Variants in CCDC9B observed in about 807,000 individuals in gnomAD.
CCDC9B encodes the protein coiled-coil domain containing 9B, also known as coiled-coil domain-containing protein 9B.
A neutral mutation model predicts 47.2 loss-of-function variants in CCDC9B; 40 were observed. That is an observed-to-expected ratio of 0.85 (90% CI 0.66 to 1.10). The LOEUF is 1.10. Ranked by LOEUF, CCDC9B falls within the 50% of genes least tolerant of loss-of-function variation. The probability of loss-of-function intolerance (pLI) is 0.00; values close to 1 mark genes in which losing one functional copy is unlikely to be tolerated. For missense variants in CCDC9B, 662 were observed against 651.0 expected (o/e 1.02, Z -0.18); for synonymous variants, 238 against 250.7 (o/e 0.95, Z 0.48).
In CCDC9B at chr15:40,339,971, G is replaced by C. The variant is rs777883742; in HGVS notation, c.57C>G (p.Asp19Glu). ...CAACTATCCTCCGATCCAGCTCTGCGTCCTTCTCCTGCCTGCTCATGGGGG... is the reference window on the plus strand; with the variant it reads ...CAACTATCCTCCGATCCAGCTCTGCCTCCTTCTCCTGCCTGCTCATGGGGG... ...AESPMSRQEKDAELDRRIVAL... is the reference protein window; with the variant it reads ...AESPMSRQEKEAELDRRIVAL... The change falls in exon 2 of 11, where the codon GAC becomes GAG. Residue 19 changes from aspartate (D) to glutamate (E), a missense_variant. Coordinates refer to ENST00000397536, the MANE Select transcript of CCDC9B (RefSeq NM_207380.3). The C allele has an allele frequency of 6.2e-7, 1 of 1,613,834 alleles. No individual in the cohort carries two copies. Among genetic ancestry groups the C allele is most frequent in the South Asian group, 1.1e-5 (1 of 91,086 alleles).
chr15:40,336,509 G>A (rs557258914), intron 9 of CCDC9B, 65 bp downstream of exon 9: 1 of 1,584,804 alleles, frequency 6.3e-7, no homozygotes, highest in South Asian at 1.1e-5. Context: ...ACCTGGGCCT[G>A]TACTGGTCCA....
intron 1 of CCDC9B, 41 bp from the exon 2 acceptor site, chr15:40,340,056 C>A: frequency 7.7e-7 from 1 of 1,292,624 alleles, no homozygotes; most frequent in South Asian, 1.2e-5. Context: ...TTCCGGGTCC[C>A]CCTCTCACCA....
At position 40,338,739 on chromosome 15, in the gene CCDC9B, C is replaced by G. The variant is rs767133058; in HGVS notation, c.387+9G>C. ...TGCCGATGCCTGCACTCCCCACCAC[C>G]CTGCTCACCTCTGCTTTGTTCTCCA... On this transcript the variant is annotated intron_variant, in intron 4 of 10. Transcript: ENST00000397536. 12 of 1,611,598 alleles carry G rather than the reference C, an allele frequency of 7.4e-6. No individual in the cohort carries two copies. In the East Asian group the frequency reaches 1.8e-4, roughly 24 times the overall value.
Position 40,338,640 on chromosome 15 carries a change from T to C in CCDC9B, c.408A>G (p.Glu136=). 1 of 1,614,124 alleles carries C rather than the reference T, an allele frequency of 6.2e-7. No homozygotes were observed. The highest frequency in any genetic ancestry group is 8.5e-7 in the Non-Finnish European group (1 of 1,180,000). The change falls in exon 5 of 11, where the codon GAA becomes GAG. Residue 136 remains glutamate (E), a synonymous_variant. Transcript: ENST00000397536. ...CTTGGTTCCTTGCTCTGGTAGGCTTTTCACTTACAATCCGTTTGCCCTGGG... is the reference window on the plus strand; with the variant it reads ...CTTGGTTCCTTGCTCTGGTAGGCTTCTCACTTACAATCCGTTTGCCCTGGG... ...NKAEGKRIVS[E]KPTRARNQGI...
Position 40,339,899 on chromosome 15 carries a change from A to G in CCDC9B, c.123+6T>C. 6.2e-7 allele frequency: 1 copy of G among 1,604,492 alleles called. No individual in the cohort carries two copies. On this transcript the variant is annotated splice_donor_region_variant and intron_variant, in intron 2 of 10. Coordinates refer to ENST00000397536, the MANE Select transcript of CCDC9B (RefSeq NM_207380.3). ...GTTTCTCCTGGCCCTGTGGCAGCCC[A>G]CTCACCTGGTACCTGCGGAGCAAGG...
At position 40,340,830 on chromosome 15, in the gene CCDC9B, G is replaced by T. The variant is rs747343978; in HGVS notation, c.-11C>A. 1.9e-6 allele frequency: 3 copies of T among 1,607,854 alleles called. No homozygotes were observed. The Admixed American group carries it at 5.0e-5, about 27-fold the overall frequency. On this transcript the variant is annotated 5_prime_UTR_variant, in exon 1 of 11. Coordinates refer to ENST00000397536, the MANE Select transcript of CCDC9B (RefSeq NM_207380.3). ...CACAGCCGAGTGCATGGCAACGGCG[G>T]GCACCGAGAGAATTCCAGAGCAGCC...
At chr15:40,340,725 C>T in intron 1 of CCDC9B, 83 bp downstream of exon 1, 2 of 1,354,720 alleles carry the variant, frequency 1.5e-6, no homozygotes, top group Non-Finnish European at 2.0e-6. Context: ...CTGTCCCCAG[C>T]TGCCCCCAGA....
rs181825832 is a variant in CCDC9B at position 40,332,509 on chromosome 15, A to G, written c.*2649T>C. 6.6e-6 allele frequency: 1 copy of G among 152,300 alleles called. No homozygotes were observed. The highest frequency in any genetic ancestry group is 6.5e-5 in the Admixed American group (1 of 15,284). The allele number at this position is 152,300 out of a possible 1,614,324, so 9.4% of individuals were successfully genotyped here. The stretch of plus-strand genomic sequence containing the variant: ...GACGTCATCCATGGAGACAAGCCCT[A>G]CTTCCCCACAGCCCTTCTGCCCAGC... On this transcript the variant is annotated 3_prime_UTR_variant, in exon 11 of 11. Coordinates refer to ENST00000397536, the MANE Select transcript of CCDC9B (RefSeq NM_207380.3).
chr15:40,337,305 T>G, intron 7 of CCDC9B, 83 bp downstream of exon 7: 1 of 1,265,030 alleles, frequency 7.9e-7, no homozygotes, highest in Non-Finnish European at 1.2e-6. Context: ...AATAAGAGAC[T>G]AAGAGACAGA....
chr15:40,340,066 A>G, intron 1 of CCDC9B, 51 bp from the exon 2 acceptor site: 1 of 1,157,254 alleles, frequency 8.6e-7, no homozygotes, highest in Admixed American at 1.9e-5. Context: ...CCCTCTCACC[A>G]GTCCCCAGCT....
chr15:40,335,826 C>T lies in CCDC9B; in HGVS notation c.888G>A (p.Arg296=), dbSNP rs2141246215. 2 of 1,610,126 alleles carry T rather than the reference C, an allele frequency of 1.2e-6. No individual in the cohort carries two copies. Among genetic ancestry groups the T allele is most frequent in the Middle Eastern group, 1.7e-4 (1 of 6,052 alleles). Residue 296 remains arginine, a splice_region_variant and synonymous_variant, in exon 10 of 11, where the codon AGG becomes AGA. Coordinates refer to ENST00000397536, the MANE Select transcript of CCDC9B (RefSeq NM_207380.3). ...CCTCCTTGTCTTCCTTCATATCCCACCTGTAGAAACACAGCTCATGGCACG... is the reference window on the plus strand; with the variant it reads ...CCTCCTTGTCTTCCTTCATATCCCATCTGTAGAAACACAGCTCATGGCACG... The part of the protein sequence containing the change: ...GKERLTGRAR[R]WDMKEDKEEL...
intron 9 of CCDC9B, chr15:40,336,089 C>T (rs1208075067): frequency 1.0e-6 from 1 of 985,318 alleles, no homozygotes; most frequent in Non-Finnish European, 1.2e-6. Flanking sequence ...GCCTCCATCT[C>T]CTTGCCAAAG....
chr15:40,339,504 AG>A lies in CCDC9B; in HGVS notation c.231+7del. ...GCTACGAGCCCTGTCTCCCAGGGTG[AG>A]GCTTACACCGGGAACCTGGCTGATG... On this transcript the variant is annotated splice_region_variant and intron_variant, in intron 3 of 10. Coordinates refer to ENST00000397536, the MANE Select transcript of CCDC9B (RefSeq NM_207380.3). 6.2e-7 allele frequency: 1 copy of A among 1,613,364 alleles called. No homozygotes were observed. The highest frequency in any genetic ancestry group is 8.5e-7 in the Non-Finnish European group (1 of 1,179,672).
Position 40,336,641 on chromosome 15 carries a change from G to T in CCDC9B, c.820C>A (p.Pro274Thr). 6.2e-7 allele frequency: 1 copy of T among 1,613,052 alleles called. No individual in the cohort carries two copies. Among genetic ancestry groups the T allele is most frequent in the African/African-American group, 1.3e-5 (1 of 75,032 alleles). ...CTGCCTGTGGCTGGTGCCACCGAGG[G>T]TCTGCTGGCTTGCCCGCCCCGACCT... ...GKGRGGQASR[P>T]SVAPATGSKA... The change falls in exon 9 of 11, where the codon CCC becomes ACC. Residue 274 changes from proline (P) to threonine (T), a missense_variant. Pro to Thr is a conservative substitution (Grantham distance 38). Coordinates refer to ENST00000397536, the MANE Select transcript of CCDC9B (RefSeq NM_207380.3).
Position 40,339,636 on chromosome 15 carries a change from G to T in CCDC9B, c.124-17C>A, listed in dbSNP as rs761949206. The T allele has an allele frequency of 4.3e-6, 7 of 1,612,102 alleles. No individual in the cohort carries two copies. The highest frequency in any genetic ancestry group is 5.9e-6 in the Non-Finnish European group (7 of 1,179,834). On this transcript the variant is annotated splice_polypyrimidine_tract_variant and intron_variant, in intron 2 of 10. Coordinates refer to ENST00000397536, the MANE Select transcript of CCDC9B (RefSeq NM_207380.3). The stretch of plus-strand genomic sequence containing the variant: ...CTGGATCTCCTGTGGGAGGGCTGGG[G>T]GTCAGCACACGCCATGGCCCCCCAG...
intron 1 of CCDC9B, chr15:40,340,398 G>T (rs186409846): frequency 1.8e-5 from 6 of 326,796 alleles, no homozygotes; most frequent in Middle Eastern, 8.6e-4. Flanking sequence ...GGAGGTCGAG[G>T]GGGGAGCTGT....
intron 1 of CCDC9B, chr15:40,340,216 T>A (rs955508761): frequency 6.8e-6 from 4 of 587,942 alleles, no homozygotes; most frequent in Non-Finnish European, 1.2e-5. Flanking sequence ...TGTCCCTGCC[T>A]CCTCAGGGGG....
In CCDC9B at chr15:40,335,812, T is replaced by C. The variant is rs768414232; in HGVS notation, c.902A>G (p.Glu301Gly). Residue 301 changes from glutamate (E) to glycine (G), a missense_variant, in exon 10 of 11, where the codon GAA (glutamate) becomes GGA (glycine). Transcript: ENST00000397536. ...CTGACCTTCCAGCTCCTCCTTGTCTTCCTTCATATCCCACCTGTAGAAACA... is the reference window on the plus strand; with the variant it reads ...CTGACCTTCCAGCTCCTCCTTGTCTCCCTTCATATCCCACCTGTAGAAACA... ...TGRARRWDMK[E>G]DKEELEGQEG... 6.2e-7 allele frequency: 1 copy of C among 1,611,186 alleles called. No homozygotes were observed. Among genetic ancestry groups the C allele is most frequent in the Non-Finnish European group, 8.5e-7 (1 of 1,178,690 alleles).
intron 6 of CCDC9B, 121 bp downstream of exon 6, chr15:40,337,603 T>C (rs1179005191): frequency 8.0e-7 from 1 of 1,255,550 alleles, no homozygotes; most frequent in Non-Finnish European, 1.1e-6. Context: ...AACCCTGGGC[T>C]CGACCAGAAT....
Sources: allele counts gnomAD v4.1 joint callset, GRCh38; gene constraint gnomAD v4.1.1; transcripts MANE v1.5; gene names NCBI Gene and HGNC (gene_info 2026-07-23, HGNC 2026-07-21).